The following CSMD1 variants were observed in gnomAD, a reference collection of about 807,000 sequenced individuals.
CSMD1 encodes CUB and sushi domain-containing protein 1.
Under a neutral mutation model 417.5 loss-of-function variants are expected in CSMD1, and 213 were observed. That is an observed-to-expected ratio of 0.51 (90% CI 0.46 to 0.57). The LOEUF is 0.57. CSMD1 is among the 20% of genes least tolerant of loss of function. The pLI is 0.00. For missense variants in CSMD1, 6,923 were observed against 4,529.7 expected (o/e 1.53, Z -15.17); for synonymous variants, 2,862 against 1,736.8 (o/e 1.65, Z -16.11).
chr8:4,820,545 T>G (rs140231964), intron 1 of CSMD1, among the ~76,000 whole-genome samples: 1 of 152,198 alleles, frequency 6.6e-6, no homozygotes, highest in African/African-American at 2.4e-5. Context: ...AATAAGGGAA[T>G]GATCCAAGTG....
chr8:3,414,037 G>C (rs575361671), intron 12 of CSMD1, among the ~76,000 whole-genome samples: 1 of 151,440 alleles, frequency 6.6e-6, no homozygotes, highest in East Asian at 2.0e-4. Flanking sequence ...TACTGGGGAG[G>C]CTGAAGCAGG....
intron 1 of CSMD1, among the ~76,000 whole-genome samples, chr8:4,641,926 T>C (rs1803218801): frequency 6.6e-6 from 1 of 152,222 alleles, no homozygotes; most frequent in Non-Finnish European, 1.5e-5. Context: ...AAGATAATTA[T>C]TGCTAACATT....
chr8:3,507,757 G>A (rs933245620), intron 10 of CSMD1, among the ~76,000 whole-genome samples: 3 of 152,218 alleles, frequency 2.0e-5, no homozygotes, highest in African/African-American at 7.2e-5. Flanking sequence ...GATGGCCAGT[G>A]ATGATGAGCA....
At chr8:3,704,179 T>A (rs1801032801) in intron 7 of CSMD1, among the ~76,000 whole-genome samples, 1 of 152,142 alleles carries the variant, frequency 6.6e-6, no homozygotes, top group South Asian at 2.1e-4. Flanking sequence ...GAAGGCTGGT[T>A]GTTGGAGATG....
At chr8:3,999,798 A>T (rs1815517459) in intron 4 of CSMD1, among the ~76,000 whole-genome samples, 1 of 152,178 alleles carries the variant, frequency 6.6e-6, no homozygotes, top group Non-Finnish European at 1.5e-5. Flanking sequence ...TCAAGACTAC[A>T]TGAGGGATGG....
chr8:4,414,507 A>T (rs1161762074), intron 3 of CSMD1, among the ~76,000 whole-genome samples: 3 of 152,220 alleles, frequency 2.0e-5, no homozygotes, highest in South Asian at 2.1e-4. Flanking sequence ...CAATATTTTT[A>T]AGAGGATCTG....
intron 3 of CSMD1, among the ~76,000 whole-genome samples, chr8:4,275,733 CTT>C (rs1269871337): frequency 6.6e-6 from 1 of 152,112 alleles, no homozygotes; most frequent in Non-Finnish European, 1.5e-5. Flanking sequence ...ATGAGTATAA[CTT>C]TACACACACC....
chr8:3,860,435 CT>C (rs907705284), intron 5 of CSMD1, among the ~76,000 whole-genome samples: 3 of 151,842 alleles, frequency 2.0e-5, no homozygotes, highest in Non-Finnish European at 4.4e-5. Context: ...AACAATAAAA[CT>C]TTTTTTTCCT....
At chr8:4,245,933 A>T (rs1167635882) in intron 3 of CSMD1, among the ~76,000 whole-genome samples, 1 of 152,220 alleles carries the variant, frequency 6.6e-6, no homozygotes. Context: ...ACTCATTAAA[A>T]TGACTTTTCC....
At chr8:4,824,414 G>GC (rs1395002434) in intron 1 of CSMD1, among the ~76,000 whole-genome samples, 2 of 152,070 alleles carry the variant, frequency 1.3e-5, no homozygotes, top group Non-Finnish European at 2.9e-5. Context: ...AGACCTCTAA[G>GC]CTAACATGTG....
intron 12 of CSMD1, among the ~76,000 whole-genome samples, chr8:3,463,311 G>C (rs1415539346): frequency 6.6e-6 from 1 of 152,062 alleles, no homozygotes; most frequent in African/African-American, 2.4e-5. Flanking sequence ...CCAAGAAAAA[G>C]GATAATTTGT....
intron 1 of CSMD1, among the ~76,000 whole-genome samples, chr8:4,686,936 G>C (rs1195031122): frequency 6.6e-6 from 1 of 152,188 alleles, no homozygotes; most frequent in Non-Finnish European, 1.5e-5. Context: ...GACGCACTTG[G>C]AAGTGGAGGA....
chr8:3,214,722 G>C (rs150935473), intron 29 of CSMD1, 31 bp from the exon 30 acceptor site: 1,210 of 1,504,882 alleles, frequency 8.0e-4, no homozygotes, highest in Non-Finnish European at 1.0e-3. Flanking sequence ...AACTGCATGA[G>C]AGCAGGGATC....
intron 6 of CSMD1, among the ~76,000 whole-genome samples, chr8:3,741,137 C>T (rs568742960): frequency 1.3e-4 from 19 of 142,524 alleles, no homozygotes; most frequent in African/African-American, 5.0e-4. Flanking sequence ...TCACTTGAAG[C>T]TGGGAGGTGG....
chr8:4,742,000 CTTTTTTTTTTTTTTTTTTTT>C lies in CSMD1; in HGVS notation c.86-104462_86-104443del, dbSNP rs71209120. ...AGGTCCGCACGCACCACCACACCCA[CTTTTTTTTTTTTTTTTTTTT>C]TTTTTTTTTTTTTTTTTTTTTTTTT... On this transcript the variant is annotated intron_variant, in intron 1 of 69. Transcript: ENST00000635120. Among the ~76,000 whole-genome samples the C allele has an allele frequency of 1.1e-3, 80 of 73,804 alleles. 1 individual carries two copies. Among genetic ancestry groups the C allele is most frequent in the African/African-American group, 3.2e-3 (60 of 18,556 alleles). 48.4% of individuals were successfully genotyped at this position (73,804 alleles called of 152,430 possible). A position where few individuals can be genotyped will look rare whatever the true frequency, so the allele number is the denominator to read the frequency against.
chr8:4,539,502 C>T (rs920884926), intron 2 of CSMD1, among the ~76,000 whole-genome samples: 3 of 152,148 alleles, frequency 2.0e-5, no homozygotes, highest in African/African-American at 7.2e-5. Flanking sequence ...CCCCCAAAAT[C>T]CTCTAATATT....
At chr8:4,422,015 G>C (rs933930707) in intron 2 of CSMD1, among the ~76,000 whole-genome samples, 1 of 151,954 alleles carries the variant, frequency 6.6e-6, no homozygotes, top group Non-Finnish European at 1.5e-5. Context: ...AGTTACTACA[G>C]AAACTACATA....
At chr8:3,740,852 T>C (rs11136659) in intron 6 of CSMD1, among the ~76,000 whole-genome samples, 42,636 of 151,884 alleles carry the variant, frequency 0.28, 6,967 homozygotes, top group East Asian at 0.49. Context: ...GAGGAGAGTA[T>C]AGCAGAGAGG....
At chr8:3,307,887 T>A in intron 24 of CSMD1, 66 bp from the exon 25 acceptor site, 1 of 1,558,216 alleles carries the variant, frequency 6.4e-7, no homozygotes, top group Non-Finnish European at 8.7e-7. Context: ...TTTAGCTACT[T>A]TTCAAAACCA....
Sources: gnomAD v4.1 joint callset for allele counts (sites outside exome capture counted in the v4.1 genomes callset) on GRCh38, gnomAD v4.1.1 for gene constraint, MANE v1.5 for transcripts, NCBI Gene and HGNC (gene_info 2026-07-23, HGNC 2026-07-21) for gene names.